Variants in MGAM observed in about 807,000 individuals in gnomAD.
MGAM encodes maltase-glucoamylase, also known as alpha-1,4-glucosidase.
A neutral mutation model predicts 358.8 loss-of-function variants in MGAM; 253 were observed. That is an observed-to-expected ratio of 0.71 (90% CI 0.64 to 0.78). The LOEUF (loss-of-function observed/expected upper bound fraction) is 0.78, where lower values mean the gene tolerates loss of function less well. Among genes scored for constraint, MGAM ranks in the 30% least tolerant of loss-of-function variants. MGAM has a pLI of 0.00. For missense variants in MGAM, 3,080 were observed against 3,432.6 expected (o/e 0.90, Z 2.57); for synonymous variants, 1,105 against 1,227.1 (o/e 0.90, Z 2.08).
chr7:142,098,313 G>A (rs1157161125), intron 66 of MGAM, among the ~76,000 whole-genome samples: 6 of 152,104 alleles, frequency 3.9e-5, no homozygotes, highest in Admixed American at 3.9e-4. Flanking sequence ...GCTCTGGGGT[G>A]GTGGGCTCTT....
In MGAM at chr7:142,082,574, A is replaced by G. The variant is rs1488732396; in HGVS notation, c.6268+3A>G. ...CCTGCTGAACAGCAATGCCATGGGT[A>G]AGGCCATCCAGCGCCTCCCTTATTT... On this transcript the variant is annotated splice_donor_region_variant and intron_variant, in intron 52 of 70. Coordinates refer to ENST00000475668, the MANE Select transcript of MGAM (RefSeq NM_001365693.1). 2 of 1,505,076 alleles carry G rather than the reference A, an allele frequency of 1.3e-6. No individual in the cohort carries two copies. The highest frequency in any genetic ancestry group is 2.4e-5 in the South Asian group (2 of 83,802). 93.2% of individuals were successfully genotyped at this position (1,505,076 alleles called of 1,614,324 possible). A position where few individuals can be genotyped will look rare whatever the true frequency, so the allele number is the denominator to read the frequency against.
chr7:142,099,611 A>G lies in MGAM; in HGVS notation c.7750-2A>G. 1 of 1,613,868 alleles carries G rather than the reference A, an allele frequency of 6.2e-7. No homozygotes were observed. The highest frequency in any genetic ancestry group is 8.5e-7 in the Non-Finnish European group (1 of 1,179,782). On this transcript the variant is annotated splice_acceptor_variant, in intron 66 of 70. Coordinates refer to ENST00000475668, the MANE Select transcript of MGAM (RefSeq NM_001365693.1). LOFTEE classifies it high-confidence loss of function. ...TCATCTCTTACCTTCTTCTGCCTCC[A>G]GGGTGTGGATATTAATGCAAGAGGA...
chr7:142,035,395 C>G (rs1554465444), intron 16 of MGAM, among the ~76,000 whole-genome samples: 10 of 151,892 alleles, frequency 6.6e-5, no homozygotes, highest in Non-Finnish European at 1.5e-4. Flanking sequence ...ATAATTGTGA[C>G]AAACTAGGGT....
chr7:142,043,699 A>T lies in MGAM; in HGVS notation c.2498+2853A>T, dbSNP rs1406572676. On this transcript the variant is annotated intron_variant, in intron 21 of 70. Transcript: ENST00000475668. ...ACATATACTATCTAATATATAATAC[A>T]TATATTATATATCATGTAATATGTA... Among the ~76,000 whole-genome samples the T allele has an allele frequency of 8.7e-5, 12 of 137,702 alleles. No homozygotes were observed. The East Asian group carries it at 2.5e-3, about 29-fold the overall frequency. The allele number at this position is 137,702 out of a possible 152,430, so 90.3% of individuals were successfully genotyped here. A position where few individuals can be genotyped will look rare whatever the true frequency, so the allele number is the denominator to read the frequency against.
Position 142,066,762 on chromosome 7 carries a change from T to C in MGAM, c.4919+41T>C. 1.3e-6 allele frequency: 2 copies of C among 1,530,080 alleles called. 1 individual carries two copies. The highest frequency in any genetic ancestry group is 2.3e-5 in the South Asian group (2 of 87,040). 94.8% of individuals were successfully genotyped at this position (1,530,080 alleles called of 1,614,324 possible). On this transcript the variant is annotated intron_variant, in intron 41 of 70. Coordinates refer to ENST00000475668, the MANE Select transcript of MGAM (RefSeq NM_001365693.1). The stretch of plus-strand genomic sequence containing the variant: ...GGATCCCGATGACTAATGGATGACT[T>C]ATTGCATTCTATGTGGTAGCAGTTG...
rs1157978062 is a variant in MGAM, at chr7:142,036,856, C to G, written c.2110C>G (p.Leu704Val). The change falls in exon 18 of 71, where the codon CTG (leucine) becomes GTG (valine). Residue 704 changes from leucine (L) to valine (V), a missense_variant. Physicochemically the swap from Leu to Val is conservative, Grantham distance 32. Coordinates refer to ENST00000475668, the MANE Select transcript of MGAM (RefSeq NM_001365693.1). ...QDPASFGADS[L>V]LLNSSRHYLN... is the part of the protein sequence containing the mutation. The stretch of plus-strand genomic sequence containing the variant: ...TCCTGCCTCCTTTGGAGCTGACTCC[C>G]TGCTGTTGAATTCCTCCAGGCACTA... 2 of 1,613,498 alleles carry G rather than the reference C, an allele frequency of 1.2e-6. No individual in the cohort carries two copies. The highest frequency in any genetic ancestry group is 4.5e-5 in the East Asian group (2 of 44,868).
At chr7:142,031,928 A>G in intron 13 of MGAM, 135 bp downstream of exon 13, 1 of 555,900 alleles carries the variant, frequency 1.8e-6, no homozygotes, top group South Asian at 2.7e-5. Flanking sequence ...CTCAATATTC[A>G]CTCTCTTACT....
intron 28 of MGAM, 55 bp downstream of exon 28, chr7:142,055,781 C>T (rs565030005): frequency 4.4e-6 from 7 of 1,606,182 alleles, no homozygotes; most frequent in African/African-American, 1.3e-5. Context: ...CCACACTGCT[C>T]AGGCTTTGGG....
chr7:142,062,803 C>T (rs1348476536), intron 35 of MGAM, 101 bp downstream of exon 35: 2 of 1,545,848 alleles, frequency 1.3e-6, no homozygotes, highest in East Asian at 2.3e-5. Flanking sequence ...AGTCATTGTC[C>T]AAAGAAGACT....
In MGAM at chr7:142,078,416, T is replaced by C. The variant is rs1413586893; in HGVS notation, c.5592T>C (p.Pro1864=). Residue 1864 remains proline (P), a synonymous_variant, in exon 48 of 71, where the codon CCT becomes CCC. Transcript: ENST00000475668. ...ATGAAGAAAAAATAGACTGTTACCC[T>C]GATGAGAATGGTGATTCTGCAGAAA... is the stretch of plus-strand genomic sequence containing the variant. ...IRDEEKIDCY[P]DENGDSAENC... The C allele has an allele frequency of 1.5e-5, 23 of 1,541,172 alleles. 1 individual carries two copies. The highest frequency in any genetic ancestry group is 2.0e-5 in the Non-Finnish European group (22 of 1,124,338).
rs1309280112 is a variant in MGAM, at chr7:142,080,869, G to A, written c.5926G>A (p.Gly1976Ser). The A allele has an allele frequency of 6.4e-6, 10 of 1,556,360 alleles. No homozygotes were observed. The South Asian group carries it at 6.7e-5, about 10-fold the overall frequency. ...CAGCGTGCCATCCAGCACCCCTGAG[G>A]GTCAACTCTATGATGTCCTCATTAA... ...IPSVPSSTPE[G>S]QLYDVLIKKN... Residue 1976 changes from glycine (G) to serine (S), a missense_variant, in exon 50 of 71, where the codon GGT becomes AGT. Transcript: ENST00000475668.
chr7:142,023,044 G>A (rs1326385214), intron 7 of MGAM, among the ~76,000 whole-genome samples: 1 of 151,874 alleles, frequency 6.6e-6, no homozygotes, highest in Non-Finnish European at 1.5e-5. Context: ...TGTTGTTCAG[G>A]GCCTTTCTTT....
At chr7:142,084,727 G>A in intron 54 of MGAM, 83 bp downstream of exon 54, 1 of 1,468,542 alleles carries the variant, frequency 6.8e-7, no homozygotes, top group South Asian at 1.2e-5. Flanking sequence ...ATGTTTGTGA[G>A]ATTCTATAAA....
chr7:142,052,229 A>C (rs930816093), intron 24 of MGAM, 65 bp from the exon 25 acceptor site: 38 of 1,373,058 alleles, frequency 2.8e-5, no homozygotes, highest in South Asian at 1.8e-4. Flanking sequence ...CGAAAAAAAA[A>C]CCTCAGGTCT....
rs370521562 is a variant in MGAM at position 142,103,260 on chromosome 7, A to T, written c.8014-9A>T. The T allele has an allele frequency of 6.4e-7, 1 of 1,572,672 alleles. No individual in the cohort carries two copies. The highest frequency in any genetic ancestry group is 1.2e-5 in the South Asian group (1 of 84,406). On this transcript the variant is annotated splice_polypyrimidine_tract_variant and intron_variant, in intron 69 of 70. Transcript: ENST00000475668. ...CTATTATATTTTTCTTTTATCTCCAATTCAACAGAATACGATGCAAAGCCA... is the reference window on the plus strand; with the variant it reads ...CTATTATATTTTTCTTTTATCTCCATTTCAACAGAATACGATGCAAAGCCA...
chr7:141,998,883 G>T (rs542079255), intron 1 of MGAM, among the ~76,000 whole-genome samples: 1 of 152,082 alleles, frequency 6.6e-6, no homozygotes, highest in Non-Finnish European at 1.5e-5. Flanking sequence ...GTGTAAAAGC[G>T]TTCATATGTA....
At chr7:142,003,347 C>T (rs1390751030) in intron 1 of MGAM, among the ~76,000 whole-genome samples, 1 of 151,970 alleles carries the variant, frequency 6.6e-6, no homozygotes, top group Non-Finnish European at 1.5e-5. Context: ...ATGCAAACAG[C>T]ACAGTACTGG....
rs1414082004 is a variant in MGAM, at chr7:142,073,246, C to G, written c.5187-839C>G. ...ATTAATTTTTGTATCTCATTGACTT[C>G]CTAGAAATGACTGCTACTCAATACA... On this transcript the variant is annotated intron_variant, in intron 44 of 70. Transcript: ENST00000475668. Among the ~76,000 whole-genome samples the G allele has an allele frequency of 3.4e-5, 5 of 145,992 alleles. 2 individuals are homozygous for G. The highest frequency in any genetic ancestry group is 4.7e-5 in the Non-Finnish European group (3 of 64,514).
At chr7:142,023,972 G>A (rs905786057) in intron 7 of MGAM, among the ~76,000 whole-genome samples, 2 of 152,078 alleles carry the variant, frequency 1.3e-5, no homozygotes, top group East Asian at 1.9e-4. Context: ...AGTGGCTCAC[G>A]TCTGTAATCC....
Sources: gnomAD v4.1 joint callset for allele counts (sites outside exome capture counted in the v4.1 genomes callset) on GRCh38, gnomAD v4.1.1 for gene constraint, MANE v1.5 for transcripts, NCBI Gene and HGNC (gene_info 2026-07-23, HGNC 2026-07-21) for gene names.